The following PLK5 variants were observed in gnomAD, a reference collection of about 807,000 sequenced individuals.
The protein encoded by PLK5 is polo like kinase 5 (inactive).
Under a neutral mutation model 33.7 loss-of-function variants are expected in PLK5, and 28 were observed. The observed-to-expected ratio is 0.83, with a 90% CI of 0.62 to 1.14. PLK5 has a LOEUF of 1.14. Ranked by LOEUF, PLK5 falls within the 50% of genes most tolerant of loss-of-function variation. The probability of loss-of-function intolerance (pLI) is 0.00; values close to 1 mark genes in which losing one functional copy is unlikely to be tolerated. For synonymous variants in PLK5, 225 were observed against 202.2 expected (o/e 1.11, Z -0.96); for missense variants, 492 against 461.5 (o/e 1.07, Z -0.61).
rs1233893080 is a variant in PLK5 at position 1,535,408 on chromosome 19, CTT to C, written c.*160_*161del. ...TTGTGGCATGACTGTTCAACCCAGA[CTT>C]TGCTGGGATCTCTTCCTTTTTCATT... On this transcript the variant is annotated 3_prime_UTR_variant, in exon 14 of 14. Transcript: ENST00000454744. The C allele has an allele frequency of 2.8e-6, 2 of 720,646 alleles. No individual in the cohort carries two copies. The highest frequency in any genetic ancestry group is 3.7e-5 in the African/African-American group (2 of 53,488). The allele number at this position is 720,646 out of a possible 1,614,324, so 44.6% of individuals were successfully genotyped here. A position where few individuals can be genotyped will look rare whatever the true frequency, so the allele number is the denominator to read the frequency against.
At chr19:1,533,497 G>T (rs550336410) in intron 12 of PLK5, among the ~76,000 whole-genome samples, 45 of 152,290 alleles carry the variant, frequency 3.0e-4, no homozygotes, top group Middle Eastern at 6.8e-3. Context: ...GACCGGGGAG[G>T]GATGAGAGGG....
chr19:1,528,017 C>T lies in PLK5; in HGVS notation c.84C>T (p.Tyr28=), dbSNP rs1913791671. The part of the protein sequence containing the change: ...EMYQNIREGH[Y]PEPAHLSANA... ...ACCAAAACATCCGTGAGGGCCACTA[C>T]CCCGAACCCGCTCACCTGTCTGCCA... is the stretch of plus-strand genomic sequence containing the variant. Residue 28 remains tyrosine, a synonymous_variant, in exon 7 of 14, where the codon TAC becomes TAT. Coordinates refer to ENST00000454744, the MANE Select transcript of PLK5 (RefSeq NM_001243079.2). 6.5e-7 allele frequency: 1 copy of T among 1,536,174 alleles called. No individual in the cohort carries two copies. The highest frequency in any genetic ancestry group is 1.2e-5 in the South Asian group (1 of 84,070).
At position 1,534,017 on chromosome 19, in the gene PLK5, G is replaced by A; in HGVS notation, c.801G>A (p.Leu267=). 6.5e-7 allele frequency: 1 copy of A among 1,535,674 alleles called. No individual in the cohort carries two copies. Among genetic ancestry groups the A allele is most frequent in the Non-Finnish European group, 8.7e-7 (1 of 1,146,782 alleles). The stretch of plus-strand genomic sequence containing the variant: ...TGGCCTCTGAGCACGCCCTGCTGCT[G>A]CTGTTCAGCAATGGGATGGTGCAGG... ...RFLASEHALL[L]LFSNGMVQVS... is the part of the protein sequence containing the mutation. The change falls in exon 13 of 14, where the codon CTG becomes CTA. Residue 267 remains leucine (L), a synonymous_variant. Coordinates refer to ENST00000454744, the MANE Select transcript of PLK5 (RefSeq NM_001243079.2).
chr19:1,533,424 G>A (rs1913991848), intron 12 of PLK5, among the ~76,000 whole-genome samples: 1 of 152,180 alleles, frequency 6.6e-6, no homozygotes, highest in Non-Finnish European at 1.5e-5. Flanking sequence ...GTGACATGGG[G>A]GCCAGTGGGG....
intron 11 of PLK5, 28 bp from the exon 12 acceptor site, chr19:1,531,710 G>T: frequency 6.5e-7 from 1 of 1,535,540 alleles, no homozygotes; most frequent in Non-Finnish European, 8.7e-7. Context: ...CCTGACCCCT[G>T]GCTCAGCATA....
At chr19:1,534,686 G>C (rs265284) in intron 13 of PLK5, among the ~76,000 whole-genome samples, 61,817 of 148,288 alleles carry the variant, frequency 0.42, 13,557 homozygotes, top group African/African-American at 0.53. Context: ...GCGTGGTGGC[G>C]GGCGCCTGTA....
At chr19:1,532,968 GT>G (rs548769914) in intron 12 of PLK5, among the ~76,000 whole-genome samples, 83 of 144,520 alleles carry the variant, frequency 5.7e-4, no homozygotes, top group Middle Eastern at 3.7e-3. Flanking sequence ...GCCTGGCCAA[GT>G]TTTTTTTTTT....
intron 8 of PLK5, 57 bp downstream of exon 8, chr19:1,528,485 C>T (rs1913816033): frequency 1.4e-6 from 2 of 1,400,740 alleles, no homozygotes; most frequent in Non-Finnish European, 1.9e-6. Flanking sequence ...CCCACCTGCC[C>T]ACACCTCCCA....
intron 12 of PLK5, among the ~76,000 whole-genome samples, chr19:1,532,526 T>A (rs1488099574): frequency 7.0e-6 from 1 of 142,986 alleles, no homozygotes; most frequent in Non-Finnish European, 1.5e-5. Context: ...TTCTTCTTTT[T>A]TTTTTTTTTT....
chr19:1,525,020 G>C (rs1480719408), intron 1 of PLK5: 2 of 152,920 alleles, frequency 1.3e-5, no homozygotes. Context: ...GTGTTTGTGT[G>C]TCGTATTCAG....
chr19:1,529,246 T>G (rs1314723391), intron 9 of PLK5, among the ~76,000 whole-genome samples, 160 bp from the exon 10 acceptor site: 1 of 152,130 alleles, frequency 6.6e-6, no homozygotes, highest in African/African-American at 2.4e-5. Flanking sequence ...ACCTACTGTA[T>G]GCCTCCGAGA....
chr19:1,526,909 C>A lies in PLK5; in HGVS notation c.-88C>A. On this transcript the variant is annotated 5_prime_UTR_variant, in exon 6 of 14. In the 5' UTR this introduces an upstream ATG that the reference lacks. Transcript: ENST00000454744. ...CCCATGACGCCCTTCCTAGAGTACTCTGTGGGACCCCTAACTTCCTGGACC... is the reference window on the plus strand; with the variant it reads ...CCCATGACGCCCTTCCTAGAGTACTATGTGGGACCCCTAACTTCCTGGACC... The A allele has an allele frequency of 6.8e-7, 1 of 1,474,260 alleles. No individual in the cohort carries two copies. Among genetic ancestry groups the A allele is most frequent in the South Asian group, 1.2e-5 (1 of 82,772 alleles). 91.3% of individuals were successfully genotyped at this position (1,474,260 alleles called of 1,614,324 possible). A position where few individuals can be genotyped will look rare whatever the true frequency, so the allele number is the denominator to read the frequency against.
chr19:1,532,078 G>C (rs902746024), intron 12 of PLK5, among the ~76,000 whole-genome samples, 195 bp downstream of exon 12: 2 of 152,200 alleles, frequency 1.3e-5, no homozygotes, highest in African/African-American at 4.8e-5. Flanking sequence ...AGATTAGGAG[G>C]GGAGGTGAAT....
At position 1,535,528 on chromosome 19, in the gene PLK5, A is replaced by T. The variant is rs1248729134; in HGVS notation, c.*278A>T. On this transcript the variant is annotated 3_prime_UTR_variant, in exon 14 of 14. Transcript: ENST00000454744. ...GGCAAAGAAACGTTGACCCCACGTG[A>T]CGTTGCATCCTCCCTGTTTCTCTTA... The T allele has an allele frequency of 2.2e-6, 1 of 448,938 alleles. No individual in the cohort carries two copies. The highest frequency in any genetic ancestry group is 2.1e-5 in the African/African-American group (1 of 47,382). The allele number at this position is 448,938 out of a possible 1,614,324, so 27.8% of individuals were successfully genotyped here. A position where few individuals can be genotyped will look rare whatever the true frequency, so the allele number is the denominator to read the frequency against.
chr19:1,528,150 C>CGGTGTGGGGTCCCT lies in PLK5; in HGVS notation c.201+18_201+19insTGTGGGGTCCCTGG, dbSNP rs1913800804. 1.3e-6 allele frequency: 2 copies of CGGTGTGGGGTCCCT among 1,509,874 alleles called. No homozygotes were observed. Among genetic ancestry groups the CGGTGTGGGGTCCCT allele is most frequent in the Non-Finnish European group, 1.8e-6 (2 of 1,129,592 alleles). The allele number at this position is 1,509,874 out of a possible 1,614,324, so 93.5% of individuals were successfully genotyped here. Reference sequence around the variant, plus strand: ...CTTCACACAGGTGGGCGGCGGTCCTCGGCGTGGGGTCCCTGGCGTGGGGTC... The same window carrying CGGTGTGGGGTCCCT: ...CTTCACACAGGTGGGCGGCGGTCCTCGGTGTGGGGTCCCTGGCGTGGGGTCCCTGGCGTGGGGTC... On this transcript the variant is annotated intron_variant, in intron 7 of 13. Transcript: ENST00000454744.
Position 1,528,018 on chromosome 19 carries a change from C to G in PLK5, c.85C>G (p.Pro29Ala). ...MYQNIREGHY[P>A]EPAHLSANAR... ...CCAAAACATCCGTGAGGGCCACTAC[C>G]CCGAACCCGCTCACCTGTCTGCCAA... The change falls in exon 7 of 14, where the codon CCC (proline) becomes GCC (alanine). Residue 29 changes from proline (P) to alanine (A), a missense_variant. Coordinates refer to ENST00000454744, the MANE Select transcript of PLK5 (RefSeq NM_001243079.2). The G allele has an allele frequency of 1.3e-6, 2 of 1,536,160 alleles. No homozygotes were observed. The highest frequency in any genetic ancestry group is 1.7e-6 in the Non-Finnish European group (2 of 1,146,888).
intron 13 of PLK5, among the ~76,000 whole-genome samples, chr19:1,534,683 G>C (rs1249577588): frequency 1.3e-5 from 2 of 150,424 alleles, no homozygotes; most frequent in East Asian, 3.9e-4. Context: ...CGGGCGTGGT[G>C]GCGGGCGCCT....
At chr19:1,534,276 A>C (rs1914022460) in intron 13 of PLK5, among the ~76,000 whole-genome samples, 1 of 152,090 alleles carries the variant, frequency 6.6e-6, no homozygotes, top group South Asian at 2.1e-4. Context: ...TGGGAGGCCG[A>C]GGCGGGCAGA....
chr19:1,530,651 A>G (rs1349244677), intron 11 of PLK5, among the ~76,000 whole-genome samples: 4 of 106,808 alleles, frequency 3.7e-5, no homozygotes, highest in East Asian at 2.8e-4. Flanking sequence ...ACGGAGTCTC[A>G]CTCTGTCGCC....
Sources: gnomAD v4.1 joint callset for allele counts (sites outside exome capture counted in the v4.1 genomes callset) on GRCh38, gnomAD v4.1.1 for gene constraint, MANE v1.5 for transcripts, NCBI Gene and HGNC (gene_info 2026-07-23, HGNC 2026-07-21) for gene names.